The following UBE2V2 variants were observed in gnomAD, a reference collection of about 807,000 sequenced individuals.
UBE2V2 encodes the protein ubiquitin-conjugating enzyme E2 variant 2.
Under a neutral mutation model 17.2 loss-of-function variants are expected in UBE2V2, and 9 were observed. The observed-to-expected ratio is 0.52, with a 90% CI of 0.32 to 0.91. The LOEUF (loss-of-function observed/expected upper bound fraction) is 0.91. Among genes scored for constraint, UBE2V2 ranks in the 40% least tolerant of loss-of-function variants. UBE2V2 has a pLI of 0.04. For missense variants in UBE2V2, 133 were observed against 182.6 expected (o/e 0.73, Z 1.56); for synonymous variants, 61 against 57.5 (o/e 1.06, Z -0.28).
At chr8:48,015,308 T>C (rs565028567) in intron 1 of UBE2V2, among the ~76,000 whole-genome samples, 2 of 151,910 alleles carry the variant, frequency 1.3e-5, no homozygotes, top group East Asian at 3.9e-4. Context: ...GCCTGGGAGG[T>C]TGAGGCTGCA....
At chr8:48,001,092 T>TA in the UBE2V2 span, among the ~76,000 whole-genome samples, 1 of 152,060 alleles carries the variant, frequency 6.6e-6, no homozygotes, top group African/African-American at 2.4e-5. Context: ...CCACCTTCAT[T>TA]ATTGAGCTCT....
intron 1 of UBE2V2, among the ~76,000 whole-genome samples, chr8:48,033,153 A>G (rs779985750): frequency 2.6e-5 from 4 of 152,182 alleles, no homozygotes; most frequent in Non-Finnish European, 4.4e-5. Flanking sequence ...CAACTTTACA[A>G]GGCAAAAAGA....
chr8:48,012,547 T>C (rs754370204), intron 1 of UBE2V2, among the ~76,000 whole-genome samples: 1 of 151,894 alleles, frequency 6.6e-6, no homozygotes, highest in African/African-American at 2.4e-5. Context: ...GGAGAAACCA[T>C]GTCTCTACTA....
chr8:48,027,388 T>C (rs907201745), intron 1 of UBE2V2, among the ~76,000 whole-genome samples: 2 of 152,238 alleles, frequency 1.3e-5, no homozygotes, highest in Non-Finnish European at 2.9e-5. Flanking sequence ...TATCTGACTT[T>C]GATTGTAGCC....
At chr8:48,034,546 GTGC>G (rs2091407647) in intron 1 of UBE2V2, among the ~76,000 whole-genome samples, 3 of 151,778 alleles carry the variant, frequency 2.0e-5, no homozygotes, top group Non-Finnish European at 4.4e-5. Context: ...CAAAATATAT[GTGC>G]TGCTATTAGG....
intron 3 of UBE2V2, among the ~76,000 whole-genome samples, chr8:48,058,178 A>G (rs181426434): frequency 1.5e-3 from 221 of 152,242 alleles, no homozygotes; most frequent in Non-Finnish European, 2.5e-3. Flanking sequence ...TATAAAAAAT[A>G]CAAAAATTGG....
At chr8:48,037,700 T>C (rs558313910) in intron 1 of UBE2V2, among the ~76,000 whole-genome samples, 1 of 152,346 alleles carries the variant, frequency 6.6e-6, no homozygotes, top group South Asian at 2.1e-4. Context: ...CACAATTCTT[T>C]GGCTCACAGT....
At chr8:48,031,629 C>A (rs1784999911) in intron 1 of UBE2V2, among the ~76,000 whole-genome samples, 1 of 152,136 alleles carries the variant, frequency 6.6e-6, no homozygotes, top group Non-Finnish European at 1.5e-5. Flanking sequence ...AGTACAGATG[C>A]TTCAGATGTA....
At chr8:48,060,055 A>T (rs1360203107) in intron 3 of UBE2V2, among the ~76,000 whole-genome samples, 1 of 151,566 alleles carries the variant, frequency 6.6e-6, no homozygotes, top group African/African-American at 2.4e-5. Flanking sequence ...AAAATAGAAA[A>T]ATTAGCCTGG....
chr8:48,025,292 G>T (rs1463055232), intron 1 of UBE2V2, among the ~76,000 whole-genome samples: 1 of 148,856 alleles, frequency 6.7e-6, no homozygotes, highest in Non-Finnish European at 1.5e-5. Flanking sequence ...TTTTGAGATG[G>T]AGTCTCACTC....
upstream of UBE2V2, among the ~76,000 whole-genome samples, chr8:48,008,131 A>T (rs1408463707): frequency 2.0e-5 from 3 of 152,116 alleles, no homozygotes; most frequent in Non-Finnish European, 4.4e-5. Context: ...CATGTTGGCC[A>T]GGCTGGTTTC....
intron 3 of UBE2V2, among the ~76,000 whole-genome samples, chr8:48,052,942 C>T (rs1266286760): frequency 2.0e-5 from 3 of 152,180 alleles, no homozygotes; most frequent in African/African-American, 7.2e-5. Flanking sequence ...GAGTCTCACT[C>T]TGTCACTCAG....
At chr8:48,046,512 G>A (rs1012759666) in intron 2 of UBE2V2, among the ~76,000 whole-genome samples, 1 of 152,162 alleles carries the variant, frequency 6.6e-6, no homozygotes, top group African/African-American at 2.4e-5. Flanking sequence ...CTCGGCCTTC[G>A]CAAAGTGCTA....
At position 48,036,079 on chromosome 8, in the gene UBE2V2, G is replaced by A. The variant is rs542840203; in HGVS notation, c.17-6954G>A. Among the ~76,000 whole-genome samples, 12 of 150,536 alleles carry A rather than the reference G, an allele frequency of 8.0e-5. 1 individual carries two copies. Among genetic ancestry groups the A allele is most frequent in the Admixed American group, 4.0e-4 (6 of 15,004 alleles). On this transcript the variant is annotated intron_variant, in intron 1 of 3. Transcript: ENST00000523111. ...AAGTGATCCTTCCATGTTAGCCTCC[G>A]GAGCAGCTCAGACTACAGCTGTGCA...
intron 3 of UBE2V2, chr8:48,050,397 G>C (rs2091528373): frequency 1.3e-5 from 2 of 152,474 alleles, no homozygotes; most frequent in Admixed American, 1.3e-4. Context: ...ATCATGCCCA[G>C]TTAATTTTTG....
chr8:48,025,212 C>T (rs192189375), intron 1 of UBE2V2, among the ~76,000 whole-genome samples: 91 of 151,200 alleles, frequency 6.0e-4, no homozygotes, highest in African/African-American at 2.1e-3. Flanking sequence ...GCTGGGATTA[C>T]AGGCGTGAGC....
At chr8:48,038,979 A>T (rs1014901419) in intron 1 of UBE2V2, among the ~76,000 whole-genome samples, 9 of 150,756 alleles carry the variant, frequency 6.0e-5, no homozygotes, top group Admixed American at 4.0e-4. Flanking sequence ...CCCAGGCTGA[A>T]GTGCAGTGGC....
chr8:48,035,716 G>T (rs1386893761), intron 1 of UBE2V2, among the ~76,000 whole-genome samples: 2 of 5,448 alleles, frequency 3.7e-4, no homozygotes, highest in Admixed American at 3.6e-3. Context: ...CCGGGTTCAA[G>T]TGATTCTCCT....
intron 2 of UBE2V2, among the ~76,000 whole-genome samples, chr8:48,046,089 G>A (rs1455532419): frequency 1.3e-5 from 2 of 152,126 alleles, no homozygotes; most frequent in African/African-American, 4.8e-5. Flanking sequence ...TGGGATTACA[G>A]GCATGTGCCA....
Sources: gnomAD v4.1 joint callset for allele counts (sites outside exome capture counted in the v4.1 genomes callset) on GRCh38, gnomAD v4.1.1 for gene constraint, MANE v1.5 for transcripts, NCBI Gene and HGNC (gene_info 2026-07-23, HGNC 2026-07-21) for gene names.